The following MYO1E variants were observed in gnomAD, a reference collection of about 807,000 sequenced individuals.
MYO1E encodes unconventional myosin-Ie.
Under a neutral mutation model 151.1 loss-of-function variants are expected in MYO1E, and 68 were observed. The ratio of observed to expected loss-of-function variants is 0.45; its 90% CI spans 0.37 to 0.55. The LOEUF (loss-of-function observed/expected upper bound fraction) is 0.55, where lower values mean the gene tolerates loss of function less well. Ranked by LOEUF, MYO1E falls within the 20% of genes least tolerant of loss-of-function variation. The pLI is 0.00. For missense variants in MYO1E, 1,363 were observed against 1,389.3 expected, an observed-to-expected ratio of 0.98 and a Z score of 0.30; for synonymous variants, 601 against 501.7, an observed-to-expected ratio of 1.20 and a Z score of -2.64.
intron 1 of MYO1E, among the ~76,000 whole-genome samples, chr15:59,347,589 C>T (rs1366571532): frequency 6.6e-6 from 1 of 151,784 alleles, no homozygotes; most frequent in Non-Finnish European, 1.5e-5. Context: ...AAACATATTC[C>T]GAAACTAGAG....
intron 1 of MYO1E, among the ~76,000 whole-genome samples, chr15:59,273,081 A>T (rs552434621): frequency 6.6e-6 from 1 of 152,344 alleles, no homozygotes; most frequent in East Asian, 1.9e-4. Flanking sequence ...ATGACTGATC[A>T]CTGCTCCAAT....
chr15:59,284,305 G>C (rs188460670), intron 1 of MYO1E, among the ~76,000 whole-genome samples: 299 of 152,314 alleles, frequency 2.0e-3, no homozygotes, highest in Non-Finnish European at 3.3e-3. Context: ...GAAGAAATAA[G>C]TTTCCAAGGC....
chr15:59,308,880 T>G lies in MYO1E; in HGVS notation c.4-36431A>C, dbSNP rs1427729237. ...CTAGAGGGATTTGTTTATTATTTAT[T>G]TATTATATATTTATATTTTAGCCCC... is the stretch of plus-strand genomic sequence containing the variant. On this transcript the variant is annotated intron_variant, in intron 1 of 27. Coordinates refer to ENST00000288235, the MANE Select transcript of MYO1E (RefSeq NM_004998.4). Among the ~76,000 whole-genome samples the G allele has an allele frequency of 7.9e-5, 12 of 151,896 alleles. No homozygotes were observed. In the South Asian group the frequency reaches 2.5e-3, roughly 32 times the overall value.
At chr15:59,166,358 C>T (rs1273790205) in intron 22 of MYO1E, among the ~76,000 whole-genome samples, 2 of 152,344 alleles carry the variant, frequency 1.3e-5, no homozygotes, top group South Asian at 2.1e-4. Context: ...AGATGTTTGA[C>T]GCTGTAAGCT....
At chr15:59,261,558 T>C (rs2080224573) in intron 2 of MYO1E, 49 bp from the exon 3 acceptor site, 2 of 1,231,974 alleles carry the variant, frequency 1.6e-6, no homozygotes, top group Admixed American at 1.7e-5. Flanking sequence ...TAGCTACACA[T>C]TTTTCAAATT....
intron 4 of MYO1E, among the ~76,000 whole-genome samples, chr15:59,239,135 G>A (rs887874874): frequency 6.6e-6 from 1 of 151,354 alleles, no homozygotes; most frequent in Non-Finnish European, 1.5e-5. Context: ...GAACCCGGGA[G>A]GCAGAGGTTG....
At chr15:59,217,400 G>C (rs2079925377) in intron 10 of MYO1E, among the ~76,000 whole-genome samples, 1 of 151,698 alleles carries the variant, frequency 6.6e-6, no homozygotes, top group Non-Finnish European at 1.5e-5. Flanking sequence ...AGGTATCTTG[G>C]TGGGCAGTTC....
intron 4 of MYO1E, among the ~76,000 whole-genome samples, chr15:59,240,684 C>A (rs999949305): frequency 2.0e-5 from 3 of 152,174 alleles, no homozygotes; most frequent in Admixed American, 6.5e-5. Context: ...GCACCCCCAT[C>A]CCCCATTTCT....
chr15:59,234,777 C>T (rs2080051850), intron 5 of MYO1E, among the ~76,000 whole-genome samples: 1 of 133,540 alleles, frequency 7.5e-6, no homozygotes, highest in South Asian at 2.5e-4. Context: ...GAGCTGAGAT[C>T]ATGCCACTGC....
At position 59,188,102 on chromosome 15, in the gene MYO1E, G is replaced by A. The variant is rs1271890787; in HGVS notation, c.1904+16C>T. 1.9e-6 allele frequency: 3 copies of A among 1,581,712 alleles called. No individual in the cohort carries two copies. Among genetic ancestry groups the A allele is most frequent in the South Asian group, 1.1e-5 (1 of 90,458 alleles). On this transcript the variant is annotated intron_variant, in intron 18 of 27. Transcript: ENST00000288235. ...TAAACCTGTTTTAAAAAAGGCCAGA[G>A]TCACTAGTTCATTACCTCTGTAGGA...
chr15:59,147,596 C>CAAAAAAAA (rs748173480), intron 26 of MYO1E, among the ~76,000 whole-genome samples: 5,858 of 65,772 alleles, frequency 0.089, 1,146 homozygotes, highest in African/African-American at 0.099. Context: ...GACTCTGTCT[C>CAAAAAAAA]AAAAAAAAAA....
In MYO1E at chr15:59,208,735, A is replaced by T; in HGVS notation, c.1476T>A (p.His492Gln). 1.2e-6 allele frequency: 2 copies of T among 1,614,214 alleles called. No individual in the cohort carries two copies. Among genetic ancestry groups the T allele is most frequent in the Non-Finnish European group, 1.7e-6 (2 of 1,180,034 alleles). Residue 492 changes from histidine (H) to glutamine (Q), a missense_variant, in exon 14 of 28, where the codon CAT (histidine) becomes CAA (glutamine). Coordinates refer to ENST00000288235, the MANE Select transcript of MYO1E (RefSeq NM_004998.4). The part of the protein sequence containing the change: ...LQKLQMQIGS[H>Q]EHFNSWNQGF... ...CTTGGTTCCAACTGTTGAAGTGCTC[A>T]TGACTCCCAATCTGCATCTGAAGTT...
rs751677495 is a variant in MYO1E, at chr15:59,256,269, G to A, written c.332+15C>T. 1.3e-6 allele frequency: 2 copies of A among 1,561,510 alleles called. No homozygotes were observed. The highest frequency in any genetic ancestry group is 1.1e-5 in the South Asian group (1 of 89,954). On this transcript the variant is annotated intron_variant, in intron 4 of 27. Coordinates refer to ENST00000288235, the MANE Select transcript of MYO1E (RefSeq NM_004998.4). The stretch of plus-strand genomic sequence containing the variant: ...TCATATCTTCCACGCCCACTGATAA[G>A]GATCTTCTTCATACCTGATAATGAC...
chr15:59,322,173 T>A (rs2080630613), intron 1 of MYO1E, among the ~76,000 whole-genome samples: 2 of 122,680 alleles, frequency 1.6e-5, no homozygotes, highest in Non-Finnish European at 3.0e-5. Flanking sequence ...AGACTCTGTC[T>A]CAAAAATTAA....
intron 17 of MYO1E, among the ~76,000 whole-genome samples, chr15:59,188,667 G>C (rs2079714127): frequency 6.6e-6 from 1 of 152,170 alleles, no homozygotes; most frequent in African/African-American, 2.4e-5. Flanking sequence ...CTGCACTCCA[G>C]CCTGCATGAC....
chr15:59,349,461 A>C lies in MYO1E; in HGVS notation c.3+23037T>G, dbSNP rs145008374. Among the ~76,000 whole-genome samples, 16 of 152,216 alleles carry C rather than the reference A, an allele frequency of 1.1e-4. No homozygotes were observed. The East Asian group carries it at 3.1e-3, about 29-fold the overall frequency. On this transcript the variant is annotated intron_variant, in intron 1 of 27. Transcript: ENST00000288235. ...TACCATATAAAAAAGGGTAAACTGA[A>C]CCCACTCTATTCAGAAAATTTCAAC...
Position 59,372,548 on chromosome 15 carries a change from A to T in MYO1E, c.-48T>A, listed in dbSNP as rs1180621187. 2 of 1,534,808 alleles carry T rather than the reference A, an allele frequency of 1.3e-6. No individual in the cohort carries two copies. Among genetic ancestry groups the T allele is most frequent in the East Asian group, 2.5e-5 (1 of 40,496 alleles). On this transcript the variant is annotated 5_prime_UTR_variant, in exon 1 of 28. Transcript: ENST00000288235. ...TCTTCGCCGGGTCCCGCTGCCGGGG[A>T]ACTGGGGCTGGAACGCAGTCTTCTG...
At chr15:59,345,391 A>G (rs2080788696) in intron 1 of MYO1E, among the ~76,000 whole-genome samples, 2 of 152,170 alleles carry the variant, frequency 1.3e-5, no homozygotes, top group Non-Finnish European at 2.9e-5. Flanking sequence ...GGGGAGCCTC[A>G]AAATCCTGTG....
chr15:59,274,929 C>T (rs935269475), intron 1 of MYO1E, among the ~76,000 whole-genome samples: 4 of 152,162 alleles, frequency 2.6e-5, no homozygotes, highest in African/African-American at 9.7e-5. Context: ...ACTCATTTTC[C>T]AGTCTGCTGT....
Sources: allele counts gnomAD v4.1 joint callset (sites outside exome capture counted in the v4.1 genomes callset), GRCh38; gene constraint gnomAD v4.1.1; transcripts MANE v1.5; gene names NCBI Gene and HGNC (gene_info 2026-07-23, HGNC 2026-07-21).